SNRNP200: variants seen among roughly 807,000 people sequenced by gnomAD.
SNRNP200 encodes U5 small nuclear ribonucleoprotein 200 kDa helicase.
A neutral mutation model predicts 255.2 loss-of-function variants in SNRNP200; 66 were observed. The observed-to-expected ratio is 0.26, with a 90% confidence interval of 0.21 to 0.32. SNRNP200 has a LOEUF of 0.32. SNRNP200 is among the 10% of genes least tolerant of loss of function. SNRNP200 has a pLI of 1.00. For synonymous variants in SNRNP200, 939 were observed against 1,027.8 expected, an observed-to-expected ratio of 0.91 and a Z score of 1.65; for missense variants, 1,585 against 2,749.8, an observed-to-expected ratio of 0.58 and a Z score of 9.47.
Position 96,274,609 on chromosome 2 carries a change from T to A in SNRNP200, c.*403A>T. ...GGGGACAGCACACCTAATGAGCAGG[T>A]CTGTCCTCCAGACATACTCATTAAC... is the stretch of plus-strand genomic sequence containing the variant. On this transcript the variant is annotated 3_prime_UTR_variant, in exon 45 of 45. Transcript: ENST00000323853. 1 of 335,384 alleles carries A rather than the reference T, an allele frequency of 3.0e-6. No homozygotes were observed. Among genetic ancestry groups the A allele is most frequent in the South Asian group, 2.5e-5 (1 of 40,660 alleles). The allele number at this position is 335,384 out of a possible 1,614,324, so 20.8% of individuals were successfully genotyped here.
rs141467568 is a variant in SNRNP200, at chr2:96,284,313, T to C, written c.4392+45A>G. The C allele has an allele frequency of 4.5e-6, 7 of 1,543,256 alleles. No homozygotes were observed. In the East Asian group the frequency reaches 1.6e-4, roughly 35 times the overall value. ...CATTAGGTCCAATGCCAAGGCCACT[T>C]GGTCAGTCCCAGTCCCTCATCTGTG... On this transcript the variant is annotated intron_variant, in intron 31 of 44. Transcript: ENST00000323853.
Position 96,291,137 on chromosome 2 carries a change from A to AC in SNRNP200, c.2421+254dup, listed in dbSNP as rs2063881782. On this transcript the variant is annotated intron_variant, in intron 18 of 44. Coordinates refer to ENST00000323853, the MANE Select transcript of SNRNP200 (RefSeq NM_014014.5). This position sits in a 1 kb window ranked among gnomAD's most constrained non-coding sequence, Gnocchi z 4.2. The stretch of plus-strand genomic sequence containing the variant: ...AAGGGCACGCGTGCCCCCATGAGAC[A>AC]CTGTTTGGAGCTATCTGAAGTCACC... Among the ~76,000 whole-genome samples, 1 of 152,176 alleles carries AC rather than the reference A, an allele frequency of 6.6e-6. No individual in the cohort carries two copies. Among genetic ancestry groups the AC allele is most frequent in the South Asian group, 2.1e-4 (1 of 4,814 alleles).
chr2:96,274,849 A>C lies in SNRNP200; in HGVS notation c.*163T>G, dbSNP rs756947997. ...TGACACCTGCTGTCACTGGATCCAG[A>C]GTGAGCAAGGGAAAGGAAGTGGAGG... On this transcript the variant is annotated 3_prime_UTR_variant, in exon 45 of 45. Coordinates refer to ENST00000323853, the MANE Select transcript of SNRNP200 (RefSeq NM_014014.5). The C allele has an allele frequency of 1.0e-5, 8 of 763,978 alleles. No individual in the cohort carries two copies. Among genetic ancestry groups the C allele is most frequent in the Non-Finnish European group, 1.2e-5 (5 of 433,288 alleles). The allele number at this position is 763,978 out of a possible 1,614,324, so 47.3% of individuals were successfully genotyped here.
At chr2:96,299,453 A>C in intron 5 of SNRNP200, 26 bp from the exon 6 acceptor site, 1 of 1,569,378 alleles carries the variant, frequency 6.4e-7, no homozygotes, top group Non-Finnish European at 8.8e-7. Context: ...CAACTCAACC[A>C]TGATCTGGAG....
rs1684688689 is a variant in SNRNP200 at position 96,277,540 on chromosome 2, T to C, written c.5930A>G (p.Lys1977Arg). 1 of 1,612,474 alleles carries C rather than the reference T, an allele frequency of 6.2e-7. No individual in the cohort carries two copies. The highest frequency in any genetic ancestry group is 2.2e-5 in the East Asian group (1 of 44,890). The change falls in exon 41 of 45, where the codon AAG becomes AGG. Residue 1977 changes from lysine to arginine, a missense_variant and splice_region_variant. Lys to Arg is a conservative substitution (Grantham distance 26). Transcript: ENST00000323853. This position sits in a 1 kb window ranked among gnomAD's most constrained non-coding sequence, Gnocchi z 4.4. ...ACCCTCTAGGCTGACCCGGCTCACC[T>C]TGTCTGTGCAACGTTTGATATGCTC... The part of the protein sequence containing the change: ...TSEHIKRCTD[K>R]GVESVFDIME...
At chr2:96,281,048 G>C (rs578173787) in intron 35 of SNRNP200, 1 of 150,926 alleles carries the variant, frequency 6.6e-6, no homozygotes, top group East Asian at 2.0e-4. Context: ...AATTTTTGTA[G>C]AGACGGGGTT....
chr2:96,281,733 G>A (rs1684762778), intron 35 of SNRNP200, 81 bp downstream of exon 35: 1 of 1,130,750 alleles, frequency 8.8e-7, no homozygotes, highest in South Asian at 1.2e-5. Flanking sequence ...CTTCATCCTA[G>A]CTTACTTTCT....
chr2:96,301,884 T>C (rs1321944495), intron 3 of SNRNP200, among the ~76,000 whole-genome samples, 168 bp from the exon 4 acceptor site: 7 of 152,156 alleles, frequency 4.6e-5, no homozygotes, highest in Non-Finnish European at 2.9e-5. Flanking sequence ...AAGGAAGACT[T>C]GTCTGTTTTT....
At chr2:96,284,781 C>T (rs2063832870) in intron 30 of SNRNP200, 196 bp from the exon 31 acceptor site, 5 of 592,984 alleles carry the variant, frequency 8.4e-6, no homozygotes, top group Admixed American at 2.9e-5. Flanking sequence ...TGAAGTCTCG[C>T]TCTTGTTGCC....
In SNRNP200 at chr2:96,299,454, T is replaced by G. The variant is rs3821052; in HGVS notation, c.631-27A>C. 2.6e-6 allele frequency: 4 copies of G among 1,566,802 alleles called. No homozygotes were observed. In the African/African-American group the frequency reaches 5.4e-5, roughly 21 times the overall value. ...TGTGGAAATGACCCCAACTCAACCA[T>G]GATCTGGAGCTGATCCTGCATCACC... On this transcript the variant is annotated intron_variant, in intron 5 of 44. Transcript: ENST00000323853.
chr2:96,297,371 A>T lies in SNRNP200; in HGVS notation c.1369T>A (p.Ser457Thr). 1.9e-6 allele frequency: 3 copies of T among 1,613,642 alleles called. No individual in the cohort carries two copies. The highest frequency in any genetic ancestry group is 1.3e-5 in the African/African-American group (1 of 75,030). Reference protein sequence around the residue: ...VPALKPKPFGSEEQLLPVEKL... With the variant: ...VPALKPKPFGTEEQLLPVEKL... Reference sequence around the variant, plus strand: ...GAAAGCAATTCACTTACTTCTTCTGAGCCAAAGGGCTTGGGCTTCAGAGCA... The same window carrying T: ...GAAAGCAATTCACTTACTTCTTCTGTGCCAAAGGGCTTGGGCTTCAGAGCA... The change falls in exon 11 of 45, where the codon TCA becomes ACA. Residue 457 changes from serine (S) to threonine (T), a missense_variant. Physicochemically the swap from Ser to Thr is moderately conservative, Grantham distance 58. This residue lies in a region of SNRNP200 where 383 missense variants were observed against 645.3 expected (regional missense o/e 0.59). Transcript: ENST00000323853.
chr2:96,295,994 C>T (rs2063914773), intron 13 of SNRNP200, among the ~76,000 whole-genome samples: 1 of 152,010 alleles, frequency 6.6e-6, no homozygotes, highest in South Asian at 2.1e-4. Flanking sequence ...ATTAGCTAAT[C>T]TAGTAGTACA....
chr2:96,304,070 T>C (rs1208264060), intron 2 of SNRNP200, among the ~76,000 whole-genome samples: 1 of 151,920 alleles, frequency 6.6e-6, no homozygotes, highest in African/African-American at 2.4e-5. Context: ...AAAGAAGATA[T>C]AGCACAAAGT....
intron 35 of SNRNP200, among the ~76,000 whole-genome samples, chr2:96,280,848 CTTTTTTTTTTTTT>C (rs985439781): frequency 8.7e-6 from 1 of 114,856 alleles, no homozygotes; most frequent in Non-Finnish European, 1.8e-5. Context: ...ACACCTGGCC[CTTTTTTTTTTTTT>C]TTTTTTTTTG....
intron 29 of SNRNP200, 103 bp from the exon 30 acceptor site, chr2:96,285,443 G>C: frequency 2.2e-6 from 3 of 1,351,392 alleles, no homozygotes; most frequent in Non-Finnish European, 2.1e-6. Flanking sequence ...ACGAAATGAA[G>C]TCAGGCAGTT....
chr2:96,290,656 C>T lies in SNRNP200; in HGVS notation c.2553+28G>A, dbSNP rs1453037773. ...TTTCAGGCAAGGATACTGATCCCTG[C>T]TGAGAATAAACTCAAAAGGCTCTGT... On this transcript the variant is annotated intron_variant, in intron 19 of 44. Transcript: ENST00000323853. This position sits in a 1 kb window ranked among gnomAD's most constrained non-coding sequence, Gnocchi z 4.5. The T allele has an allele frequency of 1.2e-6, 2 of 1,614,152 alleles. No homozygotes were observed. Among genetic ancestry groups the T allele is most frequent in the South Asian group, 2.2e-5 (2 of 91,082 alleles).
intron 13 of SNRNP200, 55 bp from the exon 14 acceptor site, chr2:96,295,713 GCTTT>G: frequency 6.3e-7 from 1 of 1,593,884 alleles, no homozygotes; most frequent in Non-Finnish European, 8.5e-7. Context: ...TGGACACCAT[GCTTT>G]CTGTTTGGGC....
intron 2 of SNRNP200, 68 bp from the exon 3 acceptor site, chr2:96,303,398 C>G: frequency 6.4e-7 from 1 of 1,562,064 alleles, no homozygotes; most frequent in Non-Finnish European, 8.8e-7. Flanking sequence ...TGGATCAAGC[C>G]CACCCTCCTC....
rs996492692 is a variant in SNRNP200, at chr2:96,277,864, C to T, written c.5697G>A (p.Leu1899=). The stretch of plus-strand genomic sequence containing the variant: ...ACTCAGCACTCAGCTGCATGCGAGA[C>T]AAGTGAGCCTGCAGGAGCAGGTTGG... ...VKTNLLLQAH[L]SRMQLSAELQ... is the part of the protein sequence containing the mutation. Residue 1899 remains leucine (L), a synonymous_variant, in exon 40 of 45, where the codon TTG becomes TTA. Transcript: ENST00000323853. The surrounding 1 kb of genome is among the most constrained non-coding windows in gnomAD (Gnocchi z 4.4). 3.7e-6 allele frequency: 6 copies of T among 1,614,138 alleles called. No individual in the cohort carries two copies. Among genetic ancestry groups the T allele is most frequent in the South Asian group, 1.1e-5 (1 of 91,090 alleles).
Sources: allele counts gnomAD v4.1 joint callset (sites outside exome capture counted in the v4.1 genomes callset), GRCh38; gene constraint gnomAD v4.1.1; regional missense constraint gnomAD v4.1.1; non-coding constraint Gnocchi (gnomAD v3.1); transcripts MANE v1.5; gene names NCBI Gene and HGNC (gene_info 2026-07-23, HGNC 2026-07-21).